PCDHGA6: variants seen among roughly 807,000 people sequenced by gnomAD.
The protein encoded by PCDHGA6 is protocadherin gamma-A6.
A neutral mutation model predicts 60.6 loss-of-function variants in PCDHGA6; 41 were observed. That is an observed-to-expected ratio of 0.68 (90% CI 0.53 to 0.88). The LOEUF is 0.88. PCDHGA6 is among the 40% of genes least tolerant of loss of function. PCDHGA6 has a pLI of 0.00. For missense variants in PCDHGA6, 1,312 were observed against 1,203.0 expected (o/e 1.09, Z -1.34); for synonymous variants, 594 against 524.4 (o/e 1.13, Z -1.81).
intron 1 of PCDHGA6, among the ~76,000 whole-genome samples, chr5:141,430,357 T>C (rs1258305414): frequency 1.3e-5 from 2 of 149,904 alleles, no homozygotes; most frequent in Non-Finnish European, 3.0e-5. Context: ...ATTTAAAAGC[T>C]CATTGGGGAA....
chr5:141,386,848 A>G (rs1458200403), intron 1 of PCDHGA6, among the ~76,000 whole-genome samples: 1 of 152,186 alleles, frequency 6.6e-6, no homozygotes, highest in East Asian at 1.9e-4. Flanking sequence ...TAATCACTAA[A>G]CTCAGTGAGC....
chr5:141,432,539 G>A lies in PCDHGA6; in HGVS notation c.2424+56032G>A. 2.5e-6 allele frequency: 4 copies of A among 1,614,038 alleles called. No individual in the cohort carries two copies. Among genetic ancestry groups the A allele is most frequent in the Non-Finnish European group, 3.4e-6 (4 of 1,180,022 alleles). ...CTACCTGGTGACCAAGGTGGTGGCG[G>A]TGGACAGAGACTCCGGCCAGAACGC... On this transcript the variant is annotated intron_variant, in intron 1 of 3. Transcript: ENST00000517434. The surrounding 1 kb of genome is among the most constrained non-coding windows in gnomAD (Gnocchi z 6.0).
intron 1 of PCDHGA6, chr5:141,415,974 CAA>C (rs1192315813): frequency 2.7e-6 from 1 of 375,644 alleles, no homozygotes; most frequent in Non-Finnish European, 4.4e-6. Context: ...GCCCCTTAAG[CAA>C]CCCTCTTGTT....
intron 1 of PCDHGA6, chr5:141,442,056 C>T: frequency 5.0e-6 from 1 of 198,150 alleles, no homozygotes; most frequent in Non-Finnish European, 1.0e-5. Flanking sequence ...GGTCGCGGTG[C>T]ACTGCGGTGG....
In PCDHGA6 at chr5:141,487,774, C is replaced by T. The variant is rs1272776899; in HGVS notation, c.2425-7033C>T. 2.0e-6 allele frequency: 3 copies of T among 1,534,064 alleles called. 1 individual carries two copies. The highest frequency in any genetic ancestry group is 2.6e-6 in the Non-Finnish European group (3 of 1,135,588). On this transcript the variant is annotated intron_variant, in intron 1 of 3. Transcript: ENST00000517434. The surrounding 1 kb of genome is among the most constrained non-coding windows in gnomAD (Gnocchi z 5.0). Reference sequence around the variant, plus strand: ...ATGTGGTAGACGCTGTGCTTTGTAACTGTTTCGTGAATTAACCAGAGTTGT... The same window carrying T: ...ATGTGGTAGACGCTGTGCTTTGTAATTGTTTCGTGAATTAACCAGAGTTGT...
At chr5:141,393,079 GGATA>G (rs1414303760) in intron 1 of PCDHGA6, 2 of 1,613,582 alleles carry the variant, frequency 1.2e-6, no homozygotes, top group Non-Finnish European at 1.7e-6. Context: ...ACCGCGGGCA[GGATA>G]GATCGGGAGG....
chr5:141,431,438 C>A lies in PCDHGA6; in HGVS notation c.2424+54931C>A, dbSNP rs773812765. 6.2e-7 allele frequency: 1 copy of A among 1,613,612 alleles called. No homozygotes were observed. The highest frequency in any genetic ancestry group is 1.7e-5 in the Admixed American group (1 of 60,004). ...CGACCCGGTGCGCACAGGCACCGCG[C>A]GCATCCGCGTGATGGTTCTGGATGC... On this transcript the variant is annotated intron_variant, in intron 1 of 3. Coordinates refer to ENST00000517434, the MANE Select transcript of PCDHGA6 (RefSeq NM_018919.3). This position sits in a 1 kb window ranked among gnomAD's most constrained non-coding sequence, Gnocchi z 4.8.
intron 1 of PCDHGA6, among the ~76,000 whole-genome samples, chr5:141,459,544 T>G (rs772982634): frequency 6.6e-6 from 1 of 152,246 alleles, no homozygotes; most frequent in Non-Finnish European, 1.5e-5. Flanking sequence ...TTTTTTTTAT[T>G]TCTCTTGGAT....
chr5:141,392,810 A>C (rs772526220), intron 1 of PCDHGA6: 1 of 1,580,390 alleles, frequency 6.3e-7, no homozygotes, highest in South Asian at 1.2e-5. Flanking sequence ...GCAGCAAAAC[A>C]ACAATGGCCG....
intron 1 of PCDHGA6, among the ~76,000 whole-genome samples, chr5:141,473,773 T>C (rs1473510505): frequency 6.6e-6 from 1 of 152,254 alleles, no homozygotes; most frequent in Non-Finnish European, 1.5e-5. Context: ...GGATTTGGTA[T>C]TTTAATTCAA....
chr5:141,422,349 T>C (rs768693451), intron 1 of PCDHGA6: 95 of 1,554,604 alleles, frequency 6.1e-5, no homozygotes, highest in Non-Finnish European at 8.2e-5. Flanking sequence ...ATGTGCAAGA[T>C]CAAGATTCTG....
intron 1 of PCDHGA6, chr5:141,422,820 G>A (rs904706749): frequency 6.2e-6 from 10 of 1,614,178 alleles, no homozygotes; most frequent in Non-Finnish European, 7.6e-6. Flanking sequence ...ACTTAGAACT[G>A]AGAGTGATAG....
intron 2 of PCDHGA6, among the ~76,000 whole-genome samples, chr5:141,502,024 C>T (rs2099812413): frequency 2.0e-5 from 3 of 152,152 alleles, no homozygotes; most frequent in Admixed American, 1.3e-4. Context: ...TCCCTGCAAC[C>T]CCCGCCGCTT....
chr5:141,414,767 AGCTACAGAT>A, intron 1 of PCDHGA6: 2 of 1,614,190 alleles, frequency 1.2e-6, no homozygotes, highest in Middle Eastern at 1.6e-4. Flanking sequence ...CAGTTTCATG[AGCTACAGAT>A]GCAGGTGACA....
Position 141,476,878 on chromosome 5 carries a change from G to A in PCDHGA6, c.2425-17929G>A. 2 of 1,613,960 alleles carry A rather than the reference G, an allele frequency of 1.2e-6. No homozygotes were observed. The highest frequency in any genetic ancestry group is 1.7e-6 in the Non-Finnish European group (2 of 1,180,034). Reference sequence around the variant, plus strand: ...AGTCCTTGTACCGGGCGCGCGTCCTGGAGGATGCACCCTCCGGCACGCGCG... The same window carrying A: ...AGTCCTTGTACCGGGCGCGCGTCCTAGAGGATGCACCCTCCGGCACGCGCG... On this transcript the variant is annotated intron_variant, in intron 1 of 3. Transcript: ENST00000517434. This position sits in a 1 kb window ranked among gnomAD's most constrained non-coding sequence, Gnocchi z 7.6.
chr5:141,414,185 T>C lies in PCDHGA6; in HGVS notation c.2424+37678T>C, dbSNP rs374044785. ...GGAGCATATCTTGCAACTGCAAAAG[T>C]GTTGATTACAGTAGAAGATGTAAAT... On this transcript the variant is annotated intron_variant, in intron 1 of 3. Transcript: ENST00000517434. The C allele has an allele frequency of 1.2e-5, 19 of 1,609,558 alleles. No homozygotes were observed. The highest frequency in any genetic ancestry group is 1.6e-5 in the Non-Finnish European group (19 of 1,177,778).
At position 141,410,026 on chromosome 5, in the gene PCDHGA6, G is replaced by A. The variant is rs571122351; in HGVS notation, c.2424+33519G>A. 37 of 1,613,302 alleles carry A rather than the reference G, an allele frequency of 2.3e-5. 2 individuals carry two copies. The East Asian group carries it at 8.0e-4, about 35-fold the overall frequency. On this transcript the variant is annotated intron_variant, in intron 1 of 3. Coordinates refer to ENST00000517434, the MANE Select transcript of PCDHGA6 (RefSeq NM_018919.3). ...ACAACGCCTGGCTGTCCTACCACGTGCTGCAGGCCAGTGAGCCCGGACTCT... is the reference window on the plus strand; with the variant it reads ...ACAACGCCTGGCTGTCCTACCACGTACTGCAGGCCAGTGAGCCCGGACTCT...
At chr5:141,421,565 A>G (rs1373619696) in intron 1 of PCDHGA6, 1 of 1,613,952 alleles carries the variant, frequency 6.2e-7, no homozygotes, top group Admixed American at 1.7e-5. Context: ...CTCGTGGAAG[A>G]CACCTTGAAG....
intron 1 of PCDHGA6, chr5:141,441,078 G>T (rs1443239760): frequency 2.0e-5 from 3 of 152,140 alleles, no homozygotes; most frequent in Non-Finnish European, 4.4e-5. Context: ...CCATGGTTTT[G>T]GTAGCAAGTG....
Sources: gnomAD v4.1 joint callset for allele counts (sites outside exome capture counted in the v4.1 genomes callset) on GRCh38, gnomAD v4.1.1 for gene constraint, Gnocchi (gnomAD v3.1) non-coding constraint, MANE v1.5 for transcripts, NCBI Gene and HGNC (gene_info 2026-07-23, HGNC 2026-07-21) for gene names.